SIGIRR: variants seen among roughly 807,000 people sequenced by gnomAD.
The protein encoded by SIGIRR is single Ig IL-1-related receptor.
In SIGIRR, 41 loss-of-function variants were observed where a neutral mutation model predicts 45.6. The observed-to-expected ratio is 0.90, with a 90% CI of 0.70 to 1.17. The LOEUF (loss-of-function observed/expected upper bound fraction) is 1.17. Ranked by LOEUF, SIGIRR falls within the 50% of genes most tolerant of loss-of-function variation. The pLI is 0.00. For missense variants in SIGIRR, 599 were observed against 539.6 expected, an observed-to-expected ratio of 1.11 and a Z score of -1.09; for synonymous variants, 298 against 239.0, an observed-to-expected ratio of 1.25 and a Z score of -2.28.
chr11:415,088 C>T (rs111695496), upstream of SIGIRR: 30 of 158,706 alleles, frequency 1.9e-4, no homozygotes, highest in South Asian at 4.1e-4. The surrounding 1 kb of genome is among the most constrained non-coding windows in gnomAD (Gnocchi z 6.6). Context: ...GGCGGGAGGA[C>T]GGGCAGTTGG....
Position 407,561 on chromosome 11 carries a change from C to T in SIGIRR, c.489G>A (p.Lys163=). The change falls in exon 6 of 10, where the codon AAG becomes AAA. Residue 163 remains lysine (K), a synonymous_variant. Coordinates refer to ENST00000431843, the MANE Select transcript of SIGIRR (RefSeq NM_001135054.2). ...AYGEVEINDG[K]LYDAYVSYSD... ...TGTAGGAGACGTAGGCGTCGTAGAGCTTCCCGTCTGCGGACGGCGGCCAGT... is the reference window on the plus strand; with the variant it reads ...TGTAGGAGACGTAGGCGTCGTAGAGTTTCCCGTCTGCGGACGGCGGCCAGT... 5.0e-6 allele frequency: 8 copies of T among 1,607,196 alleles called. No individual in the cohort carries two copies. Among genetic ancestry groups the T allele is most frequent in the Non-Finnish European group, 5.1e-6 (6 of 1,176,652 alleles).
Position 408,864 on chromosome 11 carries a change from A to C in SIGIRR, c.37T>G (p.Ser13Ala), listed in dbSNP as rs767787450. 6.2e-7 allele frequency: 1 copy of C among 1,612,664 alleles called. No homozygotes were observed. The highest frequency in any genetic ancestry group is 1.7e-5 in the Admixed American group (1 of 60,008). The change falls in exon 3 of 10, where the codon TCC (serine) becomes GCC (alanine). Residue 13 changes from serine (S) to alanine (A), a missense_variant. By Grantham distance (99) the Ser-to-Ala change is moderately conservative. Coordinates refer to ENST00000431843, the MANE Select transcript of SIGIRR (RefSeq NM_001135054.2). ...GVCDRAPDFL[S>A]PSEDQVLRPA... ...CTCAGCACCTGGTCTTCAGACGGGG[A>C]GAGGAAGTCAGGGGCCCTATCACAG...
chr11:416,594 G>C (rs1198633468), upstream of SIGIRR, among the ~76,000 whole-genome samples: 1 of 152,098 alleles, frequency 6.6e-6, no homozygotes, highest in Non-Finnish European at 1.5e-5. This position sits in a 1 kb window ranked among gnomAD's most constrained non-coding sequence, Gnocchi z 9.1. Context: ...GCCCCTGCCC[G>C]GTGGGTTCGA....
chr11:405,783 C>CTGCTGGCAGGGTCCCAGGGT lies in SIGIRR; in HGVS notation c.*112_*113insACCCTGGGACCCTGCCAGCA. 7.4e-7 allele frequency: 1 copy of CTGCTGGCAGGGTCCCAGGGT among 1,346,952 alleles called. No individual in the cohort carries two copies. The highest frequency in any genetic ancestry group is 1.0e-6 in the Non-Finnish European group (1 of 999,500). 83.4% of individuals were successfully genotyped at this position (1,346,952 alleles called of 1,614,324 possible). On this transcript the variant is annotated 3_prime_UTR_variant, in exon 10 of 10. Coordinates refer to ENST00000431843, the MANE Select transcript of SIGIRR (RefSeq NM_001135054.2). ...CTGAGGCCACAGCCTTTTCCCAGGG[C>CTGCTGGCAGGGTCCCAGGGT]TGCTGGCAGGGTCCCAGGGCTGCTG...
rs751331673 is a variant in SIGIRR, at chr11:406,248, C to G, written c.1069+101G>C. 26 of 1,546,918 alleles carry G rather than the reference C, an allele frequency of 1.7e-5. 1 individual carries two copies. The Admixed American group carries it at 4.9e-4, about 29-fold the overall frequency. ...GGGGCTCCCGGTGCCGGGAAGAGTC[C>G]TCAACACCTGGAGCCCCTCCAGGCC... On this transcript the variant is annotated intron_variant, in intron 9 of 9. Transcript: ENST00000431843.
intron 8 of SIGIRR, 23 bp downstream of exon 8, chr11:406,820 A>G (rs1847331341): frequency 1.3e-6 from 2 of 1,507,358 alleles, no homozygotes; most frequent in Non-Finnish European, 1.8e-6. Flanking sequence ...CTAGCCCCGG[A>G]CCCTCCCGCG....
upstream of SIGIRR, among the ~76,000 whole-genome samples, chr11:417,055 A>C (rs530214876): frequency 6.6e-6 from 1 of 152,266 alleles, no homozygotes; most frequent in South Asian, 2.1e-4. This position sits in a 1 kb window ranked among gnomAD's most constrained non-coding sequence, Gnocchi z 4.2. Flanking sequence ...AGGGTCACCA[A>C]AAAGCCGCTG....
chr11:406,756 C>T (rs2133616978), intron 8 of SIGIRR, 87 bp downstream of exon 8: 1 of 1,436,460 alleles, frequency 7.0e-7, no homozygotes. Context: ...CGCAGAGCTC[C>T]CCACGGAGGG....
intron 1 of SIGIRR, among the ~76,000 whole-genome samples, chr11:411,296 C>A (rs377090637): frequency 4.9e-5 from 1 of 20,508 alleles, no homozygotes; most frequent in Non-Finnish European, 9.1e-5. Flanking sequence ...CCAGCTCTGA[C>A]CATGTCTGGA....
chr11:415,617 T>TC (rs1847860996), upstream of SIGIRR, among the ~76,000 whole-genome samples: 1 of 151,804 alleles, frequency 6.6e-6, no homozygotes, highest in African/African-American at 2.4e-5. This position sits in a 1 kb window ranked among gnomAD's most constrained non-coding sequence, Gnocchi z 6.6. Flanking sequence ...CAGACATAGC[T>TC]CCCCCGATGG....
At position 414,908 on chromosome 11, in the gene SIGIRR, G is replaced by A. The variant is rs1205528702; in HGVS notation, c.-239C>T. Reference sequence around the variant, plus strand: ...AACTCTCCCCTTCGCTGGGCCCCAGGGAGTGTCCACAGCACCAAGGCTGCT... The same window carrying A: ...AACTCTCCCCTTCGCTGGGCCCCAGAGAGTGTCCACAGCACCAAGGCTGCT... On this transcript the variant is annotated 5_prime_UTR_variant, in exon 1 of 10. Coordinates refer to ENST00000431843, the MANE Select transcript of SIGIRR (RefSeq NM_001135054.2). 3 of 983,836 alleles carry A rather than the reference G, an allele frequency of 3.0e-6. No individual in the cohort carries two copies. The African/African-American group carries it at 5.2e-5, about 17-fold the overall frequency. 60.9% of individuals were successfully genotyped at this position (983,836 alleles called of 1,614,324 possible).
chr11:406,262 C>A (rs1212992061), intron 9 of SIGIRR, 87 bp downstream of exon 9: 2 of 1,552,136 alleles, frequency 1.3e-6, no homozygotes, highest in Non-Finnish European at 1.7e-6. Context: ...ACACCTGGAG[C>A]CCCTCCAGGC....
Position 408,174 on chromosome 11 carries a change from G to T in SIGIRR, c.239C>A (p.Ser80Tyr), listed in dbSNP as rs117739035. The stretch of plus-strand genomic sequence containing the variant: ...GGTCACGTTGACCCCCAGGACACTG[G>T]ACACAAGCACCTCTGACAGGTTGGC... Reference protein sequence around the residue: ...VKANLSEVLVSSVLGVNVTST... With the variant: ...VKANLSEVLVYSVLGVNVTST... The change falls in exon 4 of 10, where the codon TCC (serine) becomes TAC (tyrosine). Residue 80 changes from serine (S) to tyrosine (Y), a missense_variant. Ser to Tyr is a moderately radical substitution (Grantham distance 144). Transcript: ENST00000431843. The T allele has an allele frequency of 0.031, 50,310 of 1,612,706 alleles. 961 individuals are homozygous for T. Among genetic ancestry groups the T allele is most frequent in the Admixed American group, 0.036 (2,144 of 60,020 alleles).
rs756383081 is a variant in SIGIRR, at chr11:407,422, T to G, written c.625+3A>C. ...GCGGGGCACGGGGTGGGGCCCGGGA[T>G]ACCAGCGCGCGGCAGGAGGTCGCGG... On this transcript the variant is annotated splice_donor_region_variant and intron_variant, in intron 6 of 9. Transcript: ENST00000431843. 2.6e-5 allele frequency: 40 copies of G among 1,542,830 alleles called. No individual in the cohort carries two copies. The highest frequency in any genetic ancestry group is 3.5e-5 in the Non-Finnish European group (40 of 1,143,880).
Position 407,543 on chromosome 11 carries a change from G to A in SIGIRR, c.507C>T (p.Val169=). Residue 169 remains valine, a synonymous_variant, in exon 6 of 10, where the codon GTC becomes GTT. Coordinates refer to ENST00000431843, the MANE Select transcript of SIGIRR (RefSeq NM_001135054.2). Reference sequence around the variant, plus strand: ...GGTCCTCGGGGCAGTCGCTGTAGGAGACGTAGGCGTCGTAGAGCTTCCCGT... The same window carrying A: ...GGTCCTCGGGGCAGTCGCTGTAGGAAACGTAGGCGTCGTAGAGCTTCCCGT... The part of the protein sequence containing the change: ...INDGKLYDAY[V]SYSDCPEDRK... The A allele has an allele frequency of 6.2e-7, 1 of 1,609,516 alleles. No homozygotes were observed. Among genetic ancestry groups the A allele is most frequent in the Non-Finnish European group, 8.5e-7 (1 of 1,178,402 alleles).
intron 4 of SIGIRR, 31 bp downstream of exon 4, chr11:408,042 T>C: frequency 6.2e-7 from 1 of 1,611,966 alleles, no homozygotes; most frequent in Non-Finnish European, 8.5e-7. Flanking sequence ...TAGGTCCCCT[T>C]CTACCCTCCA....
At position 406,913 on chromosome 11, in the gene SIGIRR, T is replaced by G. The variant is rs1348519441; in HGVS notation, c.809A>C (p.His270Pro). 1.3e-6 allele frequency: 2 copies of G among 1,593,328 alleles called. No homozygotes were observed. The highest frequency in any genetic ancestry group is 1.7e-6 in the Non-Finnish European group (2 of 1,174,940). ...TFEGQRRDPA[H>P]PALRLLRQHR... ...CTGGCGCAGCAGGCGGAGCGCCGGG[T>G]GCGCGGGGTCGCGCCTCTGGCCCTC... Residue 270 changes from histidine (H) to proline (P), a missense_variant, in exon 8 of 10, where the codon CAC (histidine) becomes CCC (proline). His to Pro is a moderately conservative substitution (Grantham distance 77). Transcript: ENST00000431843.
At position 407,782 on chromosome 11, in the gene SIGIRR, C is replaced by T. The variant is rs373128798; in HGVS notation, c.481+35G>A. The T allele has an allele frequency of 4.2e-5, 68 of 1,610,288 alleles. No individual in the cohort carries two copies. In the Middle Eastern group the frequency reaches 1.1e-3, roughly 25 times the overall value. ...CAGCGCACTCTCAGGGAGGCCGTGG[C>T]GACCCCTCCTCGCGCCCACGCGGGC... On this transcript the variant is annotated intron_variant, in intron 5 of 9. Coordinates refer to ENST00000431843, the MANE Select transcript of SIGIRR (RefSeq NM_001135054.2).
At position 405,753 on chromosome 11, in the gene SIGIRR, GC is replaced by G. The variant is rs1240633800; in HGVS notation, c.*142del. On this transcript the variant is annotated 3_prime_UTR_variant, in exon 10 of 10. Coordinates refer to ENST00000431843, the MANE Select transcript of SIGIRR (RefSeq NM_001135054.2). The stretch of plus-strand genomic sequence containing the variant: ...GGACTTTATTTTCTGGCACTGGGAG[GC>G]GCCCTGAGGCCACAGCCTTTTCCCA... 3 of 973,342 alleles carry G rather than the reference GC, an allele frequency of 3.1e-6. No homozygotes were observed. The African/African-American group carries it at 4.9e-5, about 16-fold the overall frequency. The allele number at this position is 973,342 out of a possible 1,614,324, so 60.3% of individuals were successfully genotyped here.
Sources: allele counts gnomAD v4.1 joint callset (sites outside exome capture counted in the v4.1 genomes callset), GRCh38; gene constraint gnomAD v4.1.1; non-coding constraint Gnocchi (gnomAD v3.1); transcripts MANE v1.5; gene names NCBI Gene and HGNC (gene_info 2026-07-23, HGNC 2026-07-21).